SPAG16: variants seen among roughly 807,000 people sequenced by gnomAD.
SPAG16 encodes the protein sperm-associated antigen 16 protein.
SPAG16 carries 86 observed loss-of-function variants against 80.4 expected under a neutral mutation model. That is an observed-to-expected ratio of 1.07 (90% CI 0.90 to 1.28). The LOEUF (loss-of-function observed/expected upper bound fraction) is 1.28. Ranked by LOEUF, SPAG16 falls within the 50% of genes most tolerant of loss-of-function variation. The pLI is 0.00. For synonymous variants in SPAG16, 294 were observed against 265.9 expected (o/e 1.11, Z -1.03); for missense variants, 870 against 765.3 (o/e 1.14, Z -1.61).
At chr2:213,349,607 A>C (rs1352812884) in intron 6 of SPAG16, among the ~76,000 whole-genome samples, 2 of 152,170 alleles carry the variant, frequency 1.3e-5, no homozygotes, top group Non-Finnish European at 2.9e-5. Flanking sequence ...ATGTTTAAAG[A>C]GGCCTTATTC....
chr2:213,797,238 A>T (rs1198470444), intron 10 of SPAG16, among the ~76,000 whole-genome samples: 1 of 152,116 alleles, frequency 6.6e-6, no homozygotes, highest in Admixed American at 6.6e-5. Context: ...ATTGAACAAA[A>T]TTTTTTAAAA....
At chr2:213,760,897 A>C (rs1211368854) in intron 10 of SPAG16, among the ~76,000 whole-genome samples, 1 of 152,234 alleles carries the variant, frequency 6.6e-6, no homozygotes, top group Non-Finnish European at 1.5e-5. Flanking sequence ...GACAGACATC[A>C]GGGGCTGAAC....
At chr2:214,381,406 T>C (rs1487610305) in intron 15 of SPAG16, among the ~76,000 whole-genome samples, 1 of 152,154 alleles carries the variant, frequency 6.6e-6, no homozygotes, top group African/African-American at 2.4e-5. Flanking sequence ...TAAGACATAA[T>C]GAGATATAAT....
intron 10 of SPAG16, among the ~76,000 whole-genome samples, chr2:213,655,357 C>T (rs973334495): frequency 2.6e-5 from 4 of 152,192 alleles, no homozygotes; most frequent in African/African-American, 7.2e-5. Context: ...AAAAATAAAA[C>T]GATTTGTATG....
chr2:214,226,862 C>G (rs1243019608), intron 15 of SPAG16, among the ~76,000 whole-genome samples: 1 of 152,032 alleles, frequency 6.6e-6, no homozygotes, highest in African/African-American at 2.4e-5. Context: ...TTTCAATAAT[C>G]AGATCTTTGA....
At chr2:213,468,672 A>G (rs901688808) in intron 9 of SPAG16, among the ~76,000 whole-genome samples, 1 of 146,622 alleles carries the variant, frequency 6.8e-6, no homozygotes, top group Admixed American at 6.9e-5. Context: ...GTGTGTGTGT[A>G]TATATATGTG....
At chr2:213,327,279 A>G (rs1210391844) in intron 5 of SPAG16, among the ~76,000 whole-genome samples, 1 of 151,764 alleles carries the variant, frequency 6.6e-6, no homozygotes, top group East Asian at 1.9e-4. Flanking sequence ...TACAACTTTT[A>G]TTTTCCATTT....
chr2:213,295,943 T>C (rs2062477715), intron 1 of SPAG16, 121 bp from the exon 2 acceptor site: 3 of 716,890 alleles, frequency 4.2e-6, no homozygotes, highest in Admixed American at 2.5e-5. Context: ...TTAAATTATA[T>C]ATATTTACCA....
intron 10 of SPAG16, among the ~76,000 whole-genome samples, chr2:213,696,107 T>G (rs577611651): frequency 6.6e-6 from 1 of 152,168 alleles, no homozygotes; most frequent in South Asian, 2.1e-4. Context: ...GATTTGCTGA[T>G]CTATGGATAT....
At chr2:214,207,417 G>T (rs186901257) in intron 15 of SPAG16, among the ~76,000 whole-genome samples, 6 of 152,234 alleles carry the variant, frequency 3.9e-5, no homozygotes, top group African/African-American at 7.2e-5. Context: ...GCTCAGTAAA[G>T]ATATACCACA....
At chr2:213,792,142 T>G (rs1445042750) in intron 10 of SPAG16, among the ~76,000 whole-genome samples, 1 of 152,230 alleles carries the variant, frequency 6.6e-6, no homozygotes, top group Non-Finnish European at 1.5e-5. Flanking sequence ...CAGGTTTGTT[T>G]GTTACAGAAA....
intron 13 of SPAG16, among the ~76,000 whole-genome samples, chr2:214,040,787 T>C (rs2048964043): frequency 6.6e-6 from 1 of 152,168 alleles, no homozygotes; most frequent in South Asian, 2.1e-4. Flanking sequence ...CTGTAAAAAT[T>C]TGGTATTTTT....
chr2:214,017,179 C>T (rs1222646100), intron 13 of SPAG16, among the ~76,000 whole-genome samples: 1 of 151,964 alleles, frequency 6.6e-6, no homozygotes, highest in African/African-American at 2.4e-5. Context: ...GTGCATCAGG[C>T]GTGACTTAAA....
At chr2:213,377,210 T>C (rs2066919718) in intron 9 of SPAG16, among the ~76,000 whole-genome samples, 1 of 152,204 alleles carries the variant, frequency 6.6e-6, no homozygotes, top group East Asian at 1.9e-4. Flanking sequence ...AGGATAGCAA[T>C]AATTGCTGTT....
chr2:213,969,579 G>A (rs2106375542), intron 12 of SPAG16, among the ~76,000 whole-genome samples: 1 of 152,320 alleles, frequency 6.6e-6, no homozygotes, highest in East Asian at 1.9e-4. Context: ...TGAGGACACA[G>A]TGTTCAAGAC....
intron 15 of SPAG16, among the ~76,000 whole-genome samples, chr2:214,398,926 A>G (rs1005318470): frequency 6.6e-6 from 1 of 152,324 alleles, no homozygotes; most frequent in Admixed American, 6.5e-5. Context: ...AATGAAAATA[A>G]TAATGTTGCC....
intron 12 of SPAG16, among the ~76,000 whole-genome samples, chr2:213,975,984 C>T (rs1054957885): frequency 1.3e-5 from 2 of 151,588 alleles, no homozygotes; most frequent in African/African-American, 4.8e-5. Flanking sequence ...GATCTATTTT[C>T]AAGCTTACAT....
intron 5 of SPAG16, among the ~76,000 whole-genome samples, chr2:213,321,539 A>G (rs540040563): frequency 3.5e-4 from 53 of 152,232 alleles, no homozygotes; most frequent in African/African-American, 1.2e-3. Flanking sequence ...GTTTTTATTA[A>G]TCACATCATT....
chr2:213,795,655 T>C (rs2070979656), intron 10 of SPAG16, among the ~76,000 whole-genome samples: 1 of 152,150 alleles, frequency 6.6e-6, no homozygotes, highest in African/African-American at 2.4e-5. Context: ...TGGGAGGTGA[T>C]TAGATCATGA....
Sources: gnomAD v4.1 joint callset for allele counts (sites outside exome capture counted in the v4.1 genomes callset) on GRCh38, gnomAD v4.1.1 for gene constraint, MANE v1.5 for transcripts, NCBI Gene and HGNC (gene_info 2026-07-23, HGNC 2026-07-21) for gene names.